The following RGS20 variants were observed in gnomAD, a reference collection of about 807,000 sequenced individuals.
RGS20 encodes regulator of G protein signaling 20.
Under a neutral mutation model 33.6 loss-of-function variants are expected in RGS20, and 30 were observed. The ratio of observed to expected loss-of-function variants is 0.89; its 90% CI spans 0.67 to 1.21. The LOEUF (loss-of-function observed/expected upper bound fraction) is 1.21, where lower values mean the gene tolerates loss of function less well. Among genes scored for constraint, RGS20 ranks in the 50% most tolerant of loss-of-function variants. RGS20 has a pLI of 0.00. For missense variants in RGS20, 472 were observed against 502.4 expected, an observed-to-expected ratio of 0.94 and a Z score of 0.58; for synonymous variants, 208 against 197.9, an observed-to-expected ratio of 1.05 and a Z score of -0.43.
intron 1 of RGS20, among the ~76,000 whole-genome samples, chr8:53,870,784 A>T (rs1459801389): frequency 6.6e-6 from 1 of 152,048 alleles, no homozygotes; most frequent in East Asian, 1.9e-4. Context: ...ATATATGCTA[A>T]GTGTCGAGAT....
chr8:53,950,804 G>A (rs565409471), intron 4 of RGS20, among the ~76,000 whole-genome samples: 1 of 151,890 alleles, frequency 6.6e-6, no homozygotes, highest in Non-Finnish European at 1.5e-5. Context: ...TAGTAGAGAC[G>A]GGGTTTCACC....
chr8:53,890,072 T>C (rs1812670100), intron 2 of RGS20, among the ~76,000 whole-genome samples: 1 of 152,192 alleles, frequency 6.6e-6, no homozygotes, highest in Non-Finnish European at 1.5e-5. Flanking sequence ...TTTCTTTCTC[T>C]CCTGCTTCTG....
chr8:53,945,381 C>G (rs186932892), intron 3 of RGS20: 139 of 152,302 alleles, frequency 9.1e-4, no homozygotes, highest in African/African-American at 3.1e-3. Flanking sequence ...GTATGCTCCA[C>G]AACAGGCAAA....
intron 1 of RGS20, among the ~76,000 whole-genome samples, chr8:53,870,690 T>C (rs1176368880): frequency 6.6e-6 from 1 of 152,192 alleles, no homozygotes; most frequent in South Asian, 2.1e-4. Context: ...TGGCTAAGCT[T>C]GGCTGTGTCG....
intron 3 of RGS20, among the ~76,000 whole-genome samples, chr8:53,942,899 G>A (rs1195678928): frequency 1.3e-5 from 2 of 151,966 alleles, no homozygotes; most frequent in Non-Finnish European, 2.9e-5. Flanking sequence ...TAGAAGCTGA[G>A]GTGGAAGGAT....
Position 53,947,399 on chromosome 8 carries a change from TAA to T in RGS20, c.743+652_743+653del, listed in dbSNP as rs1419403287. Among the ~76,000 whole-genome samples the T allele has an allele frequency of 6.4e-4, 74 of 115,136 alleles. 5 individuals are homozygous for T. In the East Asian group the frequency reaches 0.01, roughly 16 times the overall value. The allele number at this position is 115,136 out of a possible 152,430, so 75.5% of individuals were successfully genotyped here. On this transcript the variant is annotated intron_variant, in intron 4 of 5. Coordinates refer to ENST00000297313, the MANE Select transcript of RGS20 (RefSeq NM_170587.4). ...ATAGTATATTTATATATGCTATATA[TAA>T]GATATAGTACATTTATATATGCTAT... is the stretch of plus-strand genomic sequence containing the variant.
intron 2 of RGS20, chr8:53,879,996 G>A (rs1585879495): frequency 4.8e-6 from 1 of 209,902 alleles, no homozygotes. Context: ...CTGCCCTCTC[G>A]GCAGGCAAGG....
chr8:53,874,367 G>GGTGTGTGT (rs138636662), intron 1 of RGS20, among the ~76,000 whole-genome samples: 62 of 146,582 alleles, frequency 4.2e-4, no homozygotes, highest in African/African-American at 8.5e-4. Context: ...AGCAATAAGG[G>GGTGTGTGT]GTGTGTGTGT....
chr8:53,947,008 T>C (rs1248583023), intron 4 of RGS20, among the ~76,000 whole-genome samples: 5 of 149,306 alleles, frequency 3.3e-5, no homozygotes, highest in Non-Finnish European at 7.4e-5. Flanking sequence ...ACAAAACATA[T>C]TATGTTATTT....
intron 2 of RGS20, among the ~76,000 whole-genome samples, chr8:53,932,734 G>A (rs1468044317): frequency 1.3e-5 from 2 of 152,210 alleles, no homozygotes; most frequent in African/African-American, 4.8e-5. Context: ...CGGCTGTGAA[G>A]AGAGCAGCAG....
At chr8:53,919,068 A>G (rs1468193655) in intron 2 of RGS20, among the ~76,000 whole-genome samples, 2 of 152,180 alleles carry the variant, frequency 1.3e-5, no homozygotes, top group African/African-American at 4.8e-5. Flanking sequence ...ACATCCTAAC[A>G]CTAATTGTCT....
intron 2 of RGS20, among the ~76,000 whole-genome samples, chr8:53,930,157 A>C (rs143528856): frequency 1.3e-5 from 2 of 152,386 alleles, no homozygotes; most frequent in African/African-American, 4.8e-5. Context: ...TAGTGTGATC[A>C]TGTAGAGACA....
intron 1 of RGS20, among the ~76,000 whole-genome samples, chr8:53,867,249 A>G (rs1811940897): frequency 1.3e-5 from 2 of 152,164 alleles, no homozygotes; most frequent in East Asian, 3.9e-4. Flanking sequence ...ATGCCACTCA[A>G]AAAAGAGAAG....
At chr8:53,927,435 G>T (rs954320127) in intron 2 of RGS20, among the ~76,000 whole-genome samples, 1 of 151,974 alleles carries the variant, frequency 6.6e-6, no homozygotes, top group Non-Finnish European at 1.5e-5. Flanking sequence ...AAACTCCTGA[G>T]CTCAAGCGAT....
intron 2 of RGS20, among the ~76,000 whole-genome samples, chr8:53,927,201 G>A (rs1372257358): frequency 7.9e-6 from 1 of 126,964 alleles, no homozygotes; most frequent in Admixed American, 8.0e-5. Context: ...TTTTTGGGGC[G>A]TTTTTTTTTT....
chr8:53,869,840 C>A (rs1585868936), intron 1 of RGS20, among the ~76,000 whole-genome samples: 1 of 152,074 alleles, frequency 6.6e-6, no homozygotes, highest in Admixed American at 6.6e-5. Flanking sequence ...CAAGCAGGCC[C>A]AAAATTGGCC....
intron 3 of RGS20, among the ~76,000 whole-genome samples, chr8:53,943,126 G>A (rs1457024430): frequency 6.6e-6 from 1 of 152,084 alleles, no homozygotes; most frequent in East Asian, 1.9e-4. Context: ...GAATTGGAAT[G>A]GTAAACAGTA....
intron 2 of RGS20, among the ~76,000 whole-genome samples, chr8:53,928,650 C>A (rs1813867983): frequency 6.6e-6 from 1 of 151,780 alleles, no homozygotes; most frequent in African/African-American, 2.4e-5. Context: ...ATGGAGAAAC[C>A]CCATCTCTAC....
chr8:53,901,062 CTTTTTTTTTT>C (rs367844788), intron 2 of RGS20, among the ~76,000 whole-genome samples: 1 of 131,250 alleles, frequency 7.6e-6, no homozygotes, highest in South Asian at 2.4e-4. Context: ...ATACTTGTCT[CTTTTTTTTTT>C]TTTTTTTTTG....
Sources: gnomAD v4.1 joint callset for allele counts (sites outside exome capture counted in the v4.1 genomes callset) on GRCh38, gnomAD v4.1.1 for gene constraint, MANE v1.5 for transcripts, NCBI Gene and HGNC (gene_info 2026-07-23, HGNC 2026-07-21) for gene names.